MACROD2: variants seen among roughly 807,000 people sequenced by gnomAD.
MACROD2 encodes the protein mono-ADP ribosylhydrolase 2, also known as ADP-ribose glycohydrolase MACROD2.
In MACROD2, 36 loss-of-function variants were observed where a neutral mutation model predicts 70.4. That is an observed-to-expected ratio of 0.51 (90% CI 0.39 to 0.68). MACROD2 has a LOEUF of 0.68. Among genes scored for constraint, MACROD2 ranks in the 30% least tolerant of loss-of-function variants. The pLI is 0.00. For synonymous variants in MACROD2, 172 were observed against 178.8 expected, an observed-to-expected ratio of 0.96 and a Z score of 0.30; for missense variants, 496 against 538.4, an observed-to-expected ratio of 0.92 and a Z score of 0.78.
intron 5 of MACROD2, among the ~76,000 whole-genome samples, chr20:15,151,014 T>C (rs2076265303): frequency 6.6e-6 from 1 of 151,940 alleles, no homozygotes; most frequent in South Asian, 2.1e-4. Flanking sequence ...GGACTTACCC[T>C]CCACTGTGAG....
intron 8 of MACROD2, among the ~76,000 whole-genome samples, chr20:15,851,432 C>G (rs1396964267): frequency 6.6e-6 from 1 of 151,988 alleles, no homozygotes; most frequent in Non-Finnish European, 1.5e-5. Flanking sequence ...TCTGAGGTTT[C>G]TCTCCTTGGC....
intron 6 of MACROD2, among the ~76,000 whole-genome samples, chr20:15,401,182 C>T (rs975156472): frequency 7.2e-5 from 11 of 152,156 alleles, no homozygotes; most frequent in East Asian, 1.9e-4. Flanking sequence ...GGACTACAGG[C>T]GCCCACCACC....
intron 5 of MACROD2, among the ~76,000 whole-genome samples, chr20:15,134,508 T>C (rs2076131639): frequency 6.6e-6 from 1 of 152,058 alleles, no homozygotes; most frequent in Non-Finnish European, 1.5e-5. Context: ...AAAGATGTTC[T>C]TTGAAACCAA....
chr20:14,342,536 C>T (rs999124643), intron 3 of MACROD2, among the ~76,000 whole-genome samples: 6 of 152,142 alleles, frequency 3.9e-5, no homozygotes, highest in African/African-American at 1.4e-4. Context: ...ATAGAGAGTG[C>T]ACTATCTGTA....
intron 3 of MACROD2, among the ~76,000 whole-genome samples, chr20:14,378,429 G>A (rs975777493): frequency 6.6e-6 from 1 of 152,128 alleles, no homozygotes; most frequent in Non-Finnish European, 1.5e-5. Flanking sequence ...AATGCAGGGA[G>A]TACAAAGGCC....
intron 3 of MACROD2, among the ~76,000 whole-genome samples, chr20:14,390,637 T>C (rs1280997676): frequency 6.6e-6 from 1 of 152,018 alleles, no homozygotes; most frequent in African/African-American, 2.4e-5. Context: ...AAATAAACAA[T>C]GGGGAAAGAT....
At chr20:15,581,741 T>C (rs1452549996) in intron 8 of MACROD2, among the ~76,000 whole-genome samples, 2 of 152,166 alleles carry the variant, frequency 1.3e-5, no homozygotes, top group Non-Finnish European at 2.9e-5. Flanking sequence ...GATCTGGTCC[T>C]TGAAGAAGGG....
At chr20:15,332,909 T>C (rs943842049) in intron 6 of MACROD2, among the ~76,000 whole-genome samples, 1 of 150,446 alleles carries the variant, frequency 6.6e-6, no homozygotes, top group Non-Finnish European at 1.5e-5. Context: ...CTCAGAAGTC[T>C]GCCTTTAGCA....
chr20:14,967,200 T>C (rs2074645517), intron 5 of MACROD2, among the ~76,000 whole-genome samples: 1 of 152,214 alleles, frequency 6.6e-6, no homozygotes, highest in African/African-American at 2.4e-5. Context: ...TTTTGTTTGT[T>C]TGTTTGTTTT....
chr20:14,934,101 C>G (rs924437520), intron 5 of MACROD2, among the ~76,000 whole-genome samples: 1 of 152,154 alleles, frequency 6.6e-6, no homozygotes, highest in African/African-American at 2.4e-5. Flanking sequence ...GCTTATGCCC[C>G]CATGCACTGG....
At chr20:14,031,169 G>T (rs931155466) in intron 2 of MACROD2, among the ~76,000 whole-genome samples, 1 of 152,176 alleles carries the variant, frequency 6.6e-6, no homozygotes, top group African/African-American at 2.4e-5. Context: ...CATAAAACAT[G>T]TCTTTTTCCT....
At chr20:15,727,912 T>G (rs2050888262) in intron 8 of MACROD2, among the ~76,000 whole-genome samples, 1 of 152,150 alleles carries the variant, frequency 6.6e-6, no homozygotes, top group Admixed American at 6.5e-5. Flanking sequence ...TTGGATGCAC[T>G]TTTGTTTCTT....
intron 6 of MACROD2, among the ~76,000 whole-genome samples, chr20:15,409,395 G>A (rs2046046830): frequency 1.3e-5 from 2 of 152,326 alleles, no homozygotes; most frequent in South Asian, 4.1e-4. Context: ...ATGCTGCAGT[G>A]TATAATTCTT....
chr20:14,044,385 G>A (rs1263896577), intron 2 of MACROD2, among the ~76,000 whole-genome samples: 1 of 152,128 alleles, frequency 6.6e-6, no homozygotes, highest in Admixed American at 6.5e-5. Context: ...TGCAAAGAGC[G>A]AAAGAACAAA....
At chr20:15,611,544 A>C (rs949796146) in intron 8 of MACROD2, among the ~76,000 whole-genome samples, 11 of 152,020 alleles carry the variant, frequency 7.2e-5, no homozygotes, top group South Asian at 2.1e-4. Flanking sequence ...GGTGTGCATG[A>C]AGGACCCTAT....
chr20:15,977,441 AT>A (rs2066324101), intron 13 of MACROD2, among the ~76,000 whole-genome samples: 1 of 152,200 alleles, frequency 6.6e-6, no homozygotes, highest in East Asian at 1.9e-4. Context: ...AGTTATCTTT[AT>A]TCCCATTCCA....
chr20:15,389,766 C>A (rs1372940290), intron 6 of MACROD2, among the ~76,000 whole-genome samples: 1 of 152,124 alleles, frequency 6.6e-6, no homozygotes, highest in Non-Finnish European at 1.5e-5. Context: ...CTCTTCTTGG[C>A]CCCAAGGCAA....
At chr20:15,478,009 G>C (rs1292032265) in intron 7 of MACROD2, among the ~76,000 whole-genome samples, 1 of 152,220 alleles carries the variant, frequency 6.6e-6, no homozygotes, top group Non-Finnish European at 1.5e-5. Flanking sequence ...CAAGGGCATG[G>C]ATTTGCTCCA....
intron 4 of MACROD2, among the ~76,000 whole-genome samples, chr20:14,591,012 A>T (rs546813721): frequency 2.6e-5 from 4 of 152,282 alleles, no homozygotes; most frequent in African/African-American, 9.6e-5. Flanking sequence ...ATACATTTTG[A>T]TGTTATACGA....
Sources: gnomAD v4.1 joint callset for allele counts (sites outside exome capture counted in the v4.1 genomes callset) on GRCh38, gnomAD v4.1.1 for gene constraint, MANE v1.5 for transcripts, NCBI Gene and HGNC (gene_info 2026-07-23, HGNC 2026-07-21) for gene names.